INPP5D: variants seen among roughly 807,000 people sequenced by gnomAD.
INPP5D encodes phosphatidylinositol 3,4,5-trisphosphate 5-phosphatase 1.
INPP5D carries 33 observed loss-of-function variants against 122.9 expected under a neutral mutation model. The observed-to-expected ratio is 0.27, with a 90% CI of 0.20 to 0.36. INPP5D has a LOEUF of 0.36. Among genes scored for constraint, INPP5D ranks in the 10% least tolerant of loss-of-function variants. INPP5D has a pLI of 1.00. For synonymous variants in INPP5D, 584 were observed against 576.2 expected (o/e 1.01, Z -0.19); for missense variants, 1,053 against 1,412.7 (o/e 0.75, Z 4.08).
At chr2:233,123,993 A>T (rs966367690) in intron 3 of INPP5D, among the ~76,000 whole-genome samples, 2 of 152,198 alleles carry the variant, frequency 1.3e-5, no homozygotes, top group African/African-American at 4.8e-5. Flanking sequence ...CAGGATCAGA[A>T]ATAACTATTG....
At chr2:233,148,084 G>T (rs1446807428) in intron 9 of INPP5D, among the ~76,000 whole-genome samples, 1 of 152,238 alleles carries the variant, frequency 6.6e-6, no homozygotes, top group Non-Finnish European at 1.5e-5. Context: ...GCTGTTATTA[G>T]TAGATTCTGA....
At position 233,170,756 on chromosome 2, in the gene INPP5D, A is replaced by C. The variant is rs891444952; in HGVS notation, c.1900+152A>C. ...GTCTCTACTTAAAAAAATACAAAAA[A>C]TTAGCCGGGTGTGGTGGCGGGTGCC... On this transcript the variant is annotated intron_variant, in intron 16 of 26. Transcript: ENST00000445964. The surrounding 1 kb of genome is among the most constrained non-coding windows in gnomAD (Gnocchi z 4.5). Among the ~76,000 whole-genome samples, 2 of 151,832 alleles carry C rather than the reference A, an allele frequency of 1.3e-5. No individual in the cohort carries two copies. Among genetic ancestry groups the C allele is most frequent in the Non-Finnish European group, 2.9e-5 (2 of 67,974 alleles).
At chr2:233,139,601 G>A (rs1693591478) in intron 5 of INPP5D, among the ~76,000 whole-genome samples, 1 of 151,988 alleles carries the variant, frequency 6.6e-6, no homozygotes, top group Admixed American at 6.6e-5. Flanking sequence ...GTGCAGTTTG[G>A]CTAAAGCAAA....
chr2:233,165,343 T>A (rs1331084358), intron 13 of INPP5D, among the ~76,000 whole-genome samples: 1 of 151,074 alleles, frequency 6.6e-6, no homozygotes. Context: ...CACCCATATC[T>A]ATGTGTGTGA....
chr2:233,125,895 G>T lies in INPP5D; in HGVS notation c.500G>T (p.Arg167Leu). 6.2e-7 allele frequency: 1 copy of T among 1,613,696 alleles called. No homozygotes were observed. The highest frequency in any genetic ancestry group is 1.1e-5 in the South Asian group (1 of 91,026). The change falls in exon 4 of 27, where the codon CGA (arginine) becomes CTA (leucine). Residue 167 changes from arginine (R) to leucine (L), a missense_variant. Physicochemically the swap from Arg to Leu is moderately radical, Grantham distance 102 (BLOSUM62 -2). Around this residue, in one of 6 missense-constraint regions of INPP5D, gnomAD observed 196 missense variants for 175.6 expected, o/e 1.12. Coordinates refer to ENST00000445964, the MANE Select transcript of INPP5D (RefSeq NM_001017915.3). Reference protein sequence around the residue: ...RPSLSETLFQRLQSMDTSGLP... With the variant: ...RPSLSETLFQLLQSMDTSGLP... ...AGCCTCTCCGAGACATTGTTCCAGC[G>T]ACTGCAAAGCATGGACACCAGTGGG...
intron 2 of INPP5D, among the ~76,000 whole-genome samples, chr2:233,097,132 T>C (rs1385791100): frequency 2.0e-5 from 3 of 152,216 alleles, no homozygotes; most frequent in Non-Finnish European, 4.4e-5. Context: ...ACAATGCCAT[T>C]ATATCATGTG....
At chr2:233,200,652 C>A (rs192846085) in intron 25 of INPP5D, among the ~76,000 whole-genome samples, 3 of 152,284 alleles carry the variant, frequency 2.0e-5, no homozygotes, top group African/African-American at 4.8e-5. Flanking sequence ...TCAAAATATG[C>A]GAGATATGCT....
At position 233,170,160 on chromosome 2, in the gene INPP5D, C is replaced by T. The variant is rs752137322; in HGVS notation, c.1787C>T (p.Thr596Ile). The T allele has an allele frequency of 1.2e-6, 2 of 1,613,224 alleles. No individual in the cohort carries two copies. Among genetic ancestry groups the T allele is most frequent in the Non-Finnish European group, 1.7e-6 (2 of 1,179,614 alleles). ...GDLNYRVDLP[T>I]WEAETIIQKI... Reference sequence around the variant, plus strand: ...CTTAACTACCGTGTGGATCTGCCTACCTGGGTAAGGGCTGCCCGCCTGGGG... The same window carrying T: ...CTTAACTACCGTGTGGATCTGCCTATCTGGGTAAGGGCTGCCCGCCTGGGG... Residue 596 changes from threonine to isoleucine, a missense_variant, in exon 15 of 27, where the codon ACC (threonine) becomes ATC (isoleucine). Physicochemically the swap from Thr to Ile is moderately conservative, Grantham distance 89. Around this residue, in one of 6 missense-constraint regions of INPP5D, gnomAD observed 258 missense variants for 439.1 expected, o/e 0.59. Transcript: ENST00000445964. This position sits in a 1 kb window ranked among gnomAD's most constrained non-coding sequence, Gnocchi z 4.5.
intron 6 of INPP5D, chr2:233,141,006 G>T (rs971241829): frequency 1.3e-5 from 2 of 152,222 alleles, no homozygotes. Context: ...TTGACACTAG[G>T]CAGCCTCTTC....
rs1225607773 is a variant in INPP5D at position 233,189,854 on chromosome 2, A to T, written c.2363A>T (p.Lys788Met). The T allele has an allele frequency of 1.9e-6, 3 of 1,612,960 alleles. No homozygotes were observed. Among genetic ancestry groups the T allele is most frequent in the Non-Finnish European group, 2.5e-6 (3 of 1,179,442 alleles). ...VKFGETLPKL[K>M]PIISDPEYLL... is the part of the protein sequence containing the mutation. ...CCTGTGCCCTTCTCTCTGCAGCTGA[A>T]GCCCATTATCTCTGACCCTGAGTAC... The change falls in exon 22 of 27, where the codon AAG (lysine) becomes ATG (methionine). Residue 788 changes from lysine (K) to methionine (M), a missense_variant. Transcript: ENST00000445964. The surrounding 1 kb of genome is among the most constrained non-coding windows in gnomAD (Gnocchi z 5.6).
chr2:233,061,064 TG>T (rs746173486), intron 1 of INPP5D, among the ~76,000 whole-genome samples: 3 of 152,148 alleles, frequency 2.0e-5, no homozygotes, highest in Non-Finnish European at 4.4e-5. Flanking sequence ...AGGAAGCTGT[TG>T]TTTGGCGAGC....
intron 2 of INPP5D, among the ~76,000 whole-genome samples, chr2:233,117,291 C>T (rs1692829967): frequency 6.6e-6 from 1 of 152,170 alleles, no homozygotes; most frequent in Admixed American, 6.5e-5. Flanking sequence ...AACCTGGACG[C>T]TTCATCGGGG....
intron 10 of INPP5D, 24 bp from the exon 11 acceptor site, chr2:233,161,694 TTCTAAG>T: frequency 2.5e-6 from 4 of 1,598,622 alleles, no homozygotes; most frequent in East Asian, 2.3e-5. Context: ...GCAGAGGCCT[TTCTAAG>T]TCTGTCTGCC....
intron 2 of INPP5D, among the ~76,000 whole-genome samples, chr2:233,084,433 C>G (rs534682798): frequency 6.6e-6 from 1 of 152,266 alleles, no homozygotes; most frequent in South Asian, 2.1e-4. Flanking sequence ...TATTCTTTCC[C>G]GATTTGGAAG....
intron 18 of INPP5D, among the ~76,000 whole-genome samples, chr2:233,179,234 C>T (rs938807807): frequency 6.6e-6 from 1 of 152,236 alleles, no homozygotes; most frequent in African/African-American, 2.4e-5. Context: ...GCAGCCTCCT[C>T]ACTTGTGCAT....
chr2:233,120,431 C>T (rs1692935658), intron 2 of INPP5D, among the ~76,000 whole-genome samples: 1 of 152,194 alleles, frequency 6.6e-6, no homozygotes, highest in Non-Finnish European at 1.5e-5. Flanking sequence ...CTGCAGTGAG[C>T]CGAGACTGTG....
Position 233,206,939 on chromosome 2 carries a change from T to G in INPP5D, c.*231T>G. 1.9e-6 allele frequency: 1 copy of G among 522,070 alleles called. No individual in the cohort carries two copies. The highest frequency in any genetic ancestry group is 3.4e-6 in the Non-Finnish European group (1 of 290,024). The allele number at this position is 522,070 out of a possible 1,614,324, so 32.3% of individuals were successfully genotyped here. A position where few individuals can be genotyped will look rare whatever the true frequency, so the allele number is the denominator to read the frequency against. ...CGCACACCAGACGGGCAACAAACAG[T>G]CTGGGTCCCCAGCTCGCTCTTGGTA... On this transcript the variant is annotated 3_prime_UTR_variant, in exon 27 of 27. Coordinates refer to ENST00000445964, the MANE Select transcript of INPP5D (RefSeq NM_001017915.3). This position sits in a 1 kb window ranked among gnomAD's most constrained non-coding sequence, Gnocchi z 4.0.
rs1159714408 is a variant in INPP5D, at chr2:233,189,825, C to A, written c.2359-25C>A. ...TCACCTGTCCCTTGCCCATCAACTCCAGTCCTGTGCCCTTCTCTCTGCAGC... is the reference window on the plus strand; with the variant it reads ...TCACCTGTCCCTTGCCCATCAACTCAAGTCCTGTGCCCTTCTCTCTGCAGC... On this transcript the variant is annotated intron_variant, in intron 21 of 26. Transcript: ENST00000445964. This position sits in a 1 kb window ranked among gnomAD's most constrained non-coding sequence, Gnocchi z 5.6. The A allele has an allele frequency of 6.2e-7, 1 of 1,610,732 alleles. No homozygotes were observed. Among genetic ancestry groups the A allele is most frequent in the African/African-American group, 1.3e-5 (1 of 74,938 alleles).
chr2:233,140,209 C>T (rs1693603141), intron 6 of INPP5D: 1 of 216,798 alleles, frequency 4.6e-6, no homozygotes, highest in Non-Finnish European at 9.1e-6. Context: ...TAAGCAGGGC[C>T]TGTTCCCATC....
Sources: gnomAD v4.1 joint callset for allele counts (sites outside exome capture counted in the v4.1 genomes callset) on GRCh38, gnomAD v4.1.1 for gene constraint, gnomAD v4.1.1 regional missense constraint, Gnocchi (gnomAD v3.1) non-coding constraint, MANE v1.5 for transcripts, NCBI Gene and HGNC (gene_info 2026-07-23, HGNC 2026-07-21) for gene names.